SKIC3: variants seen among roughly 807,000 people sequenced by gnomAD.
SKIC3 encodes superkiller complex protein 3.
chr5:95,540,640 T>C, the SKIC3 span: 7 of 1,605,810 alleles, frequency 4.4e-6, no homozygotes, highest in Non-Finnish European at 6.0e-6. Context: ...CTAAATTCAA[T>C]TAAATGATCA....
chr5:95,517,785 C>G, the SKIC3 span, among the ~76,000 whole-genome samples: 1 of 152,080 alleles, frequency 6.6e-6, no homozygotes, highest in Non-Finnish European at 1.5e-5. Context: ...CCACAAAGCT[C>G]ATGAGTTGGG....
the SKIC3 span, among the ~76,000 whole-genome samples, chr5:95,506,146 A>G: frequency 6.6e-6 from 1 of 152,210 alleles, no homozygotes; most frequent in South Asian, 2.1e-4. Flanking sequence ...CAACTTTTAA[A>G]TTTAACAGTT....
the SKIC3 span, among the ~76,000 whole-genome samples, chr5:95,469,195 CT>C: frequency 6.6e-6 from 1 of 152,018 alleles, no homozygotes; most frequent in Admixed American, 6.6e-5. Context: ...GTATTCTTGC[CT>C]GTATTTTTTA....
At chr5:95,486,763 T>C in the SKIC3 span, among the ~76,000 whole-genome samples, 1 of 152,190 alleles carries the variant, frequency 6.6e-6, no homozygotes, top group Non-Finnish European at 1.5e-5. Context: ...TATCACATTG[T>C]TGGCCTGGAG....
At chr5:95,537,217 CA>C in the SKIC3 span, 2 of 1,254,442 alleles carry the variant, frequency 1.6e-6, no homozygotes, top group Non-Finnish European at 2.3e-6. Context: ...CTCTCTTACA[CA>C]AACTACACGT....
the SKIC3 span, among the ~76,000 whole-genome samples, chr5:95,494,138 G>GT: frequency 6.6e-5 from 10 of 152,206 alleles, 1 homozygote; most frequent in Middle Eastern, 3.4e-3. Context: ...AAATAAAACT[G>GT]TTTCTTGAAA....
chr5:95,543,046 A>G, the SKIC3 span: 1 of 1,096,348 alleles, frequency 9.1e-7, no homozygotes, highest in Non-Finnish European at 1.3e-6. Flanking sequence ...TTAGGTTTAG[A>G]AAACCAATAA....
At chr5:95,512,104 A>C in the SKIC3 span, among the ~76,000 whole-genome samples, 2 of 152,314 alleles carry the variant, frequency 1.3e-5, no homozygotes, top group Non-Finnish European at 2.9e-5. Flanking sequence ...TCCACTATCC[A>C]GGGAGTAAAC....
the SKIC3 span, among the ~76,000 whole-genome samples, chr5:95,471,258 G>A: frequency 8.6e-5 from 13 of 152,032 alleles, no homozygotes; most frequent in Non-Finnish European, 1.5e-5. Context: ...AACTCTCACT[G>A]GATGCTTTTA....
chr5:95,510,371 CA>C, the SKIC3 span, among the ~76,000 whole-genome samples: 1 of 152,218 alleles, frequency 6.6e-6, no homozygotes, highest in Admixed American at 6.5e-5. Context: ...TTTCCCAAAA[CA>C]AACCCCCTTC....
the SKIC3 span, among the ~76,000 whole-genome samples, chr5:95,534,062 C>G: frequency 1.3e-5 from 2 of 151,980 alleles, no homozygotes; most frequent in Non-Finnish European, 2.9e-5. Flanking sequence ...ATTAATTTTT[C>G]AATAACAACA....
the SKIC3 span, among the ~76,000 whole-genome samples, chr5:95,478,056 C>G: frequency 3.3e-5 from 5 of 152,172 alleles, no homozygotes; most frequent in African/African-American, 1.2e-4. Flanking sequence ...TATAATTCAA[C>G]TTTTAAAACT....
At chr5:95,528,535 GAACTGTT>G in the SKIC3 span, among the ~76,000 whole-genome samples, 1 of 152,174 alleles carries the variant, frequency 6.6e-6, no homozygotes, top group Non-Finnish European at 1.5e-5. Context: ...GGACCAAGGT[GAACTGTT>G]TCTTAGTTAC....
the SKIC3 span, chr5:95,478,471 A>C: frequency 1.9e-6 from 3 of 1,613,498 alleles, no homozygotes; most frequent in East Asian, 6.7e-5. Flanking sequence ...GAAGGAGGCA[A>C]AGGATTTTAG....
the SKIC3 span, among the ~76,000 whole-genome samples, chr5:95,486,388 A>C: frequency 6.6e-6 from 1 of 152,220 alleles, no homozygotes; most frequent in Non-Finnish European, 1.5e-5. Context: ...CTGCATTAGA[A>C]TACAGCAGAG....
the SKIC3 span, chr5:95,503,123 C>A: frequency 3.7e-6 from 4 of 1,077,656 alleles, no homozygotes; most frequent in Non-Finnish European, 5.4e-6. Context: ...TCTTTGTATT[C>A]TCCTGTTCTC....
chr5:95,484,769 T>C, the SKIC3 span: 4 of 1,614,204 alleles, frequency 2.5e-6, no homozygotes, highest in Non-Finnish European at 3.4e-6. Flanking sequence ...CTGTGTCTAT[T>C]AGACCAGTGA....
At chr5:95,473,490 G>A in the SKIC3 span, among the ~76,000 whole-genome samples, 1 of 152,240 alleles carries the variant, frequency 6.6e-6, no homozygotes, top group East Asian at 1.9e-4. Flanking sequence ...TGTCCAGGCT[G>A]GTCTTGAACT....
chr5:95,466,355 A>G, the SKIC3 span, among the ~76,000 whole-genome samples: 1 of 152,166 alleles, frequency 6.6e-6, no homozygotes, highest in African/African-American at 2.4e-5. Context: ...TGTTACCTCT[A>G]ACTCCATCCT....
Sources: gnomAD v4.1 joint callset for allele counts (sites outside exome capture counted in the v4.1 genomes callset) on GRCh38, gnomAD v4.1.1 for gene constraint, MANE v1.5 for transcripts, NCBI Gene and HGNC (gene_info 2026-07-23, HGNC 2026-07-21) for gene names.